The following MMP16 variants were observed in gnomAD, a reference collection of about 807,000 sequenced individuals.
The protein encoded by MMP16 is matrix metallopeptidase 16.
Under a neutral mutation model 67.8 loss-of-function variants are expected in MMP16, and 12 were observed. The ratio of observed to expected loss-of-function variants is 0.18; its 90% CI spans 0.11 to 0.29. The LOEUF is 0.29. Ranked by LOEUF, MMP16 falls within the 10% of genes least tolerant of loss-of-function variation. The pLI, the probability that MMP16 is intolerant of heterozygous loss-of-function variation, is 1.00. For synonymous variants in MMP16, 249 were observed against 255.9 expected (o/e 0.97, Z 0.26); for missense variants, 475 against 765.7 (o/e 0.62, Z 4.48).
chr8:88,321,408 T>C (rs895700394), intron 1 of MMP16, among the ~76,000 whole-genome samples: 27 of 152,308 alleles, frequency 1.8e-4, no homozygotes, highest in African/African-American at 6.5e-4. Context: ...GTAGATGATA[T>C]TTGTTTCTCA....
chr8:88,262,810 G>A (rs1810407511), intron 1 of MMP16, among the ~76,000 whole-genome samples: 1 of 135,650 alleles, frequency 7.4e-6, no homozygotes, highest in Non-Finnish European at 1.5e-5. Flanking sequence ...TAGCCATCCT[G>A]GCTAACATGG....
At chr8:88,209,191 A>T (rs1809475866) in intron 1 of MMP16, among the ~76,000 whole-genome samples, 1 of 152,060 alleles carries the variant, frequency 6.6e-6, no homozygotes. Flanking sequence ...GTGTGCCTGC[A>T]TCTCCTGCCT....
rs73287077 is a variant in MMP16, at chr8:88,170,463, T to C, written c.405-2490A>G. 5.0e-3 allele frequency among the ~76,000 whole-genome samples: 754 copies of C among 152,234 alleles called. 2 individuals are homozygous for C. The highest frequency in any genetic ancestry group is 0.017 in the African/African-American group (701 of 41,554). ...TCGTCTAAATTAATTTTCCTAATAG[T>C]CTTTTATTTTCTATGCACCCTATGG... On this transcript the variant is annotated intron_variant, in intron 3 of 9. Coordinates refer to ENST00000286614, the MANE Select transcript of MMP16 (RefSeq NM_005941.5).
chr8:88,298,110 CAAAGTGATTAGAAGGTA>C (rs1178789266), intron 1 of MMP16, among the ~76,000 whole-genome samples: 2 of 152,018 alleles, frequency 1.3e-5, no homozygotes, highest in Non-Finnish European at 2.9e-5. Context: ...TGTGCCTGTT[CAAAGTGATTAGAAGGTA>C]AAAGAGAAGG....
At chr8:88,045,144 C>T (rs980533395) in intron 9 of MMP16, among the ~76,000 whole-genome samples, 6 of 152,110 alleles carry the variant, frequency 3.9e-5, no homozygotes, top group African/African-American at 1.4e-4. Context: ...ATGATCAGGA[C>T]TTCAAGGTTC....
At chr8:88,193,778 G>T (rs1809207633) in intron 2 of MMP16, among the ~76,000 whole-genome samples, 1 of 151,864 alleles carries the variant, frequency 6.6e-6, no homozygotes, top group Non-Finnish European at 1.5e-5. Context: ...AAGCACACTT[G>T]AGTGCATGCC....
intron 6 of MMP16, among the ~76,000 whole-genome samples, chr8:88,097,349 G>C (rs1809046119): frequency 6.6e-6 from 1 of 151,888 alleles, no homozygotes; most frequent in Non-Finnish European, 1.5e-5. Flanking sequence ...GCTAGGTGCA[G>C]TGGCTCATGC....
intron 3 of MMP16, among the ~76,000 whole-genome samples, chr8:88,177,906 A>G (rs1003797482): frequency 1.3e-5 from 2 of 152,056 alleles, no homozygotes; most frequent in Non-Finnish European, 2.9e-5. Context: ...TATTATATAT[A>G]TGAGATAGTT....
At chr8:88,046,885 G>A (rs1489219838) in intron 8 of MMP16, 101 bp from the exon 9 acceptor site, 14 of 692,338 alleles carry the variant, frequency 2.0e-5, no homozygotes, top group Non-Finnish European at 3.0e-5. Context: ...GACCTTTGCT[G>A]TGTGCTTGAC....
chr8:88,134,957 A>C (rs1031388863), intron 4 of MMP16, among the ~76,000 whole-genome samples: 1 of 151,640 alleles, frequency 6.6e-6, no homozygotes, highest in Non-Finnish European at 1.5e-5. Context: ...GAATTTTCCC[A>C]AATAAGCTTT....
intron 4 of MMP16, among the ~76,000 whole-genome samples, chr8:88,149,818 A>G (rs1437734353): frequency 2.6e-5 from 4 of 151,214 alleles, no homozygotes; most frequent in Non-Finnish European, 5.9e-5. Context: ...TCCTCCTCCA[A>G]AGGAACGCAG....
chr8:88,317,995 A>T (rs1429514300), intron 1 of MMP16, among the ~76,000 whole-genome samples: 1 of 152,182 alleles, frequency 6.6e-6, no homozygotes, highest in Admixed American at 6.5e-5. Context: ...CAATAAAATA[A>T]ATATATTTCC....
At chr8:88,135,465 T>C (rs1428602170) in intron 4 of MMP16, among the ~76,000 whole-genome samples, 1 of 151,792 alleles carries the variant, frequency 6.6e-6, no homozygotes, top group Non-Finnish European at 1.5e-5. Context: ...TAGTAAAGAC[T>C]CAGATGAAAT....
At chr8:88,250,147 C>A (rs1418786606) in intron 1 of MMP16, among the ~76,000 whole-genome samples, 1 of 151,988 alleles carries the variant, frequency 6.6e-6, no homozygotes, top group Non-Finnish European at 1.5e-5. Flanking sequence ...TAATATCTTG[C>A]CTAAACATTG....
At chr8:88,199,159 G>T (rs1809301807) in intron 1 of MMP16, among the ~76,000 whole-genome samples, 1 of 151,944 alleles carries the variant, frequency 6.6e-6, no homozygotes, top group Non-Finnish European at 1.5e-5. Flanking sequence ...TAAGCTACAG[G>T]CAATTATGTT....
At chr8:88,125,514 A>G (rs1586163838) in intron 4 of MMP16, among the ~76,000 whole-genome samples, 1 of 151,996 alleles carries the variant, frequency 6.6e-6, no homozygotes, top group East Asian at 1.9e-4. Flanking sequence ...TTTAGATTAA[A>G]TCAATATAAT....
At chr8:88,317,366 C>A (rs1311038637) in intron 1 of MMP16, among the ~76,000 whole-genome samples, 1 of 152,156 alleles carries the variant, frequency 6.6e-6, no homozygotes, top group African/African-American at 2.4e-5. Flanking sequence ...CAAGGCAACA[C>A]CCTCCAGCCA....
chr8:88,226,787 C>A (rs113967421), intron 1 of MMP16, among the ~76,000 whole-genome samples: 3 of 151,962 alleles, frequency 2.0e-5, no homozygotes, highest in Non-Finnish European at 4.4e-5. Flanking sequence ...CCATTCTGGT[C>A]AGCACTGCCT....
chr8:88,105,750 A>G (rs1345826977), intron 6 of MMP16, among the ~76,000 whole-genome samples: 1 of 151,394 alleles, frequency 6.6e-6, no homozygotes, highest in Non-Finnish European at 1.5e-5. Context: ...AATGCCAACA[A>G]TAGTATTCTA....
Sources: allele counts gnomAD v4.1 joint callset (sites outside exome capture counted in the v4.1 genomes callset), GRCh38; gene constraint gnomAD v4.1.1; transcripts MANE v1.5; gene names NCBI Gene and HGNC (gene_info 2026-07-23, HGNC 2026-07-21).